Variants in ABHD4 observed in about 807,000 individuals in gnomAD.
The protein encoded by ABHD4 is (Lyso)-N-acylphosphatidylethanolamine lipase.
ABHD4 carries 35 observed loss-of-function variants against 42.3 expected under a neutral mutation model. That is an observed-to-expected ratio of 0.83 (90% CI 0.63 to 1.10). The LOEUF (loss-of-function observed/expected upper bound fraction) is 1.10. Ranked by LOEUF, ABHD4 falls within the 50% of genes least tolerant of loss-of-function variation. The pLI is 0.00. For missense variants in ABHD4, 389 were observed against 454.8 expected (o/e 0.86, Z 1.32); for synonymous variants, 169 against 170.6 (o/e 0.99, Z 0.07).
chr14:22,607,649 G>A (rs141413513), intron 5 of ABHD4, among the ~76,000 whole-genome samples: 10 of 152,256 alleles, frequency 6.6e-5, no homozygotes, highest in East Asian at 5.8e-4. Context: ...TCTTCCTGCC[G>A]TTGGCCCTTC....
chr14:22,603,612 C>A lies in ABHD4; in HGVS notation c.335C>A (p.Ala112Glu). The A allele has an allele frequency of 6.2e-7, 1 of 1,614,222 alleles. No homozygotes were observed. Among genetic ancestry groups the A allele is most frequent in the Non-Finnish European group, 8.5e-7 (1 of 1,180,048 alleles). The change falls in exon 3 of 7, where the codon GCA becomes GAA. Residue 112 changes from alanine (A) to glutamate (E), a missense_variant. By Grantham distance (107) the Ala-to-Glu change is moderately radical. Coordinates refer to ENST00000428304, the MANE Select transcript of ABHD4 (RefSeq NM_022060.3). ...LLGFGRSSRP[A>E]FPRDPEGAED... ...GGCTTCGGGCGAAGCTCAAGGCCAG[C>A]ATTCCCAAGGGACCCGGAGGGGGCT... is the stretch of plus-strand genomic sequence containing the variant.
Position 22,612,778 on chromosome 14 carries a change from T to A in ABHD4, c.*1830T>A, listed in dbSNP as rs529487678. On this transcript the variant is annotated 3_prime_UTR_variant, in exon 7 of 7. Coordinates refer to ENST00000428304, the MANE Select transcript of ABHD4 (RefSeq NM_022060.3). ...GCAGAGATGCCTTCCCCTGATTCCC[T>A]AAACTAGACTCGGACCCCTCTGTTC... 1 of 152,228 alleles carries A rather than the reference T, an allele frequency of 6.6e-6. No homozygotes were observed. Among genetic ancestry groups the A allele is most frequent in the Admixed American group, 6.5e-5 (1 of 15,274 alleles). 9.4% of individuals were successfully genotyped at this position (152,228 alleles called of 1,614,324 possible).
chr14:22,610,527 C>T (rs1419624307), intron 6 of ABHD4, among the ~76,000 whole-genome samples: 5 of 152,110 alleles, frequency 3.3e-5, no homozygotes, highest in African/African-American at 7.2e-5. Flanking sequence ...TTTTTCTTAC[C>T]CCTCTCCGCC....
chr14:22,602,026 A>G (rs1264788019), intron 2 of ABHD4, among the ~76,000 whole-genome samples: 1 of 152,070 alleles, frequency 6.6e-6, no homozygotes, highest in Non-Finnish European at 1.5e-5. Flanking sequence ...GCCGGCTAAC[A>G]CACACAAACA....
rs2037426643 is a variant in ABHD4, at chr14:22,612,502, C to G, written c.*1554C>G. On this transcript the variant is annotated 3_prime_UTR_variant, in exon 7 of 7. Coordinates refer to ENST00000428304, the MANE Select transcript of ABHD4 (RefSeq NM_022060.3). ...CTCCTTTTAGTGTGGCGTTTGCCCG[C>G]TAGACCCAGCCCAGAGTCCAGGTCA... The G allele has an allele frequency of 6.6e-6, 1 of 152,268 alleles. No homozygotes were observed. The highest frequency in any genetic ancestry group is 2.1e-4 in the South Asian group (1 of 4,836). The allele number at this position is 152,268 out of a possible 1,614,324, so 9.4% of individuals were successfully genotyped here. A position where few individuals can be genotyped will look rare whatever the true frequency, so the allele number is the denominator to read the frequency against.
Position 22,603,944 on chromosome 14 carries a change from G to A in ABHD4, c.505G>A (p.Val169Met), listed in dbSNP as rs771581578. The stretch of plus-strand genomic sequence containing the variant: ...ACATAGAGTTAAACACCTCATCCTG[G>A]TGGACCCATGGGGCTTTCCCCTCCG... The part of the protein sequence containing the change: ...YPDRVKHLIL[V>M]DPWGFPLRPT... Residue 169 changes from valine to methionine, a missense_variant, in exon 4 of 7, where the codon GTG becomes ATG. Physicochemically the swap from Val to Met is conservative, Grantham distance 21. Transcript: ENST00000428304. The A allele has an allele frequency of 6.2e-7, 1 of 1,614,090 alleles. No individual in the cohort carries two copies. Among genetic ancestry groups the A allele is most frequent in the Non-Finnish European group, 8.5e-7 (1 of 1,180,012 alleles).
At chr14:22,604,614 G>A (rs2037327949) in intron 4 of ABHD4, among the ~76,000 whole-genome samples, 1 of 150,788 alleles carries the variant, frequency 6.6e-6, no homozygotes, top group South Asian at 2.1e-4. Context: ...CCAGGAACAG[G>A]TGGAGCAGAA....
Position 22,603,443 on chromosome 14 carries a change from A to T in ABHD4, c.166A>T (p.Ile56Phe). Residue 56 changes from isoleucine to phenylalanine, a missense_variant, in exon 3 of 7, where the codon ATC (isoleucine) becomes TTC (phenylalanine). Physicochemically the swap from Ile to Phe is conservative, Grantham distance 21 (BLOSUM62 0). Around this residue, in one of 3 missense-constraint regions of ABHD4, gnomAD observed 102 missense variants for 128.3 expected, o/e 0.80. Transcript: ENST00000428304. Reference protein sequence around the residue: ...RYVSLPNQNKIWTVTVSPEQN... With the variant: ...RYVSLPNQNKFWTVTVSPEQN... ...TGTATCCCTCCCAAACCAGAATAAG[A>T]TCTGGACGGTGACTGTGAGCCCCGA... is the stretch of plus-strand genomic sequence containing the variant. The T allele has an allele frequency of 6.2e-7, 1 of 1,614,140 alleles. No homozygotes were observed. Among genetic ancestry groups the T allele is most frequent in the Non-Finnish European group, 8.5e-7 (1 of 1,180,012 alleles).
chr14:22,601,842 A>T lies in ABHD4; in HGVS notation c.112+87A>T, dbSNP rs1452013490. The T allele has an allele frequency of 4.3e-6, 5 of 1,173,718 alleles. No individual in the cohort carries two copies. In the East Asian group the frequency reaches 9.7e-5, roughly 23 times the overall value. 72.7% of individuals were successfully genotyped at this position (1,173,718 alleles called of 1,614,324 possible). A position where few individuals can be genotyped will look rare whatever the true frequency, so the allele number is the denominator to read the frequency against. On this transcript the variant is annotated intron_variant, in intron 2 of 6. Coordinates refer to ENST00000428304, the MANE Select transcript of ABHD4 (RefSeq NM_022060.3). ...TCCCAGAGCCTGCTACATTGAGCCC[A>T]CTGATTCCTAATTAACAGTGTGTAT...
At chr14:22,603,820 T>G in intron 3 of ABHD4, 58 bp downstream of exon 3, 14 of 1,573,546 alleles carry the variant, frequency 8.9e-6, no homozygotes, top group Non-Finnish European at 1.1e-5. Context: ...CTGGGAACTT[T>G]CCAGTATTCA....
chr14:22,598,305 C>T lies in ABHD4; in HGVS notation c.-2C>T. On this transcript the variant is annotated 5_prime_UTR_variant, in exon 1 of 7. Coordinates refer to ENST00000428304, the MANE Select transcript of ABHD4 (RefSeq NM_022060.3). ...GCCAGGACCTGGCAAGGCTTGTTTA[C>T]TATGGCCGATGATCTGGAGCAGCAG... 6.4e-7 allele frequency: 1 copy of T among 1,551,700 alleles called. No homozygotes were observed. Among genetic ancestry groups the T allele is most frequent in the African/African-American group, 1.4e-5 (1 of 73,188 alleles).
At chr14:22,606,071 C>T (rs2037345473) in intron 4 of ABHD4, among the ~76,000 whole-genome samples, 1 of 152,182 alleles carries the variant, frequency 6.6e-6, no homozygotes, top group African/African-American at 2.4e-5. Flanking sequence ...GAGAACATAG[C>T]TCAGGCTATA....
At position 22,611,127 on chromosome 14, in the gene ABHD4, G is replaced by C. The variant is rs562288123; in HGVS notation, c.*179G>C. 2 of 610,442 alleles carry C rather than the reference G, an allele frequency of 3.3e-6. No individual in the cohort carries two copies. The highest frequency in any genetic ancestry group is 3.7e-5 in the African/African-American group (2 of 54,648). 37.8% of individuals were successfully genotyped at this position (610,442 alleles called of 1,614,324 possible). Reference sequence around the variant, plus strand: ...CACTCTTGACCCTACACTGAAGGCTGAAGGCAGAAGCCACAAGAGGCCTTG... The same window carrying C: ...CACTCTTGACCCTACACTGAAGGCTCAAGGCAGAAGCCACAAGAGGCCTTG... On this transcript the variant is annotated 3_prime_UTR_variant, in exon 7 of 7. Transcript: ENST00000428304.
intron 6 of ABHD4, 131 bp from the exon 7 acceptor site, chr14:22,610,728 G>A (rs1467463514): frequency 1.5e-6 from 1 of 683,776 alleles, no homozygotes; most frequent in Admixed American, 2.3e-5. Context: ...AGCGAGAAAG[G>A]TGGAGCATTA....
Position 22,609,855 on chromosome 14 carries a change from C to T in ABHD4, c.884C>T (p.Thr295Ile). The change falls in exon 6 of 7, where the codon ACC (threonine) becomes ATC (isoleucine). Residue 295 changes from threonine to isoleucine, a missense_variant. Thr to Ile is a moderately conservative substitution (Grantham distance 89). This residue lies in a region of ABHD4 where 249 missense variants were observed against 254.4 expected (regional missense o/e 0.98). Transcript: ENST00000428304. The stretch of plus-strand genomic sequence containing the variant: ...TACGGGTCCGACACCTGGATAGATA[C>T]CAGTACGGGAAAAAAGGTGAAGATG... Reference protein sequence around the residue: ...MIYGSDTWIDTSTGKKVKMQR... With the variant: ...MIYGSDTWIDISTGKKVKMQR... 6.2e-7 allele frequency: 1 copy of T among 1,613,952 alleles called. No homozygotes were observed. The highest frequency in any genetic ancestry group is 1.1e-5 in the South Asian group (1 of 91,076).
intron 1 of ABHD4, chr14:22,598,572 C>A: frequency 1.8e-6 from 2 of 1,141,484 alleles, no homozygotes; most frequent in Non-Finnish European, 1.3e-6. Flanking sequence ...GGCTTTCTAC[C>A]TTAGTCCTCG....
intron 2 of ABHD4, among the ~76,000 whole-genome samples, chr14:22,603,068 T>C (rs754700539): frequency 1.2e-4 from 18 of 152,172 alleles, no homozygotes; most frequent in Non-Finnish European, 2.4e-4. Context: ...CTTGATCAAA[T>C]ATGAAGGAAT....
chr14:22,606,867 TA>T (rs1255649826), intron 5 of ABHD4, among the ~76,000 whole-genome samples: 2 of 152,098 alleles, frequency 1.3e-5, no homozygotes, highest in Non-Finnish European at 2.9e-5. Flanking sequence ...ACAAACATGG[TA>T]TTTTTTTTCT....
At chr14:22,600,857 T>C (rs2037276307) in intron 1 of ABHD4, among the ~76,000 whole-genome samples, 1 of 151,684 alleles carries the variant, frequency 6.6e-6, no homozygotes, top group African/African-American at 2.4e-5. Flanking sequence ...TGTGTGTGTG[T>C]GTGTGTGTGT....
Sources: allele counts gnomAD v4.1 joint callset (sites outside exome capture counted in the v4.1 genomes callset), GRCh38; gene constraint gnomAD v4.1.1; regional missense constraint gnomAD v4.1.1; transcripts MANE v1.5; gene names NCBI Gene and HGNC (gene_info 2026-07-23, HGNC 2026-07-21).